The following PTPRB variants were observed in gnomAD, a reference collection of about 807,000 sequenced individuals.
PTPRB encodes the protein protein tyrosine phosphatase receptor type B.
Under a neutral mutation model 238.1 loss-of-function variants are expected in PTPRB, and 97 were observed. The observed-to-expected ratio is 0.41, with a 90% CI of 0.35 to 0.48. The LOEUF (loss-of-function observed/expected upper bound fraction) is 0.48, where lower values mean the gene tolerates loss of function less well. PTPRB is among the 20% of genes least tolerant of loss of function. The pLI, the probability that PTPRB is intolerant of heterozygous loss-of-function variation, is 0.30. For synonymous variants in PTPRB, 970 were observed against 995.4 expected, an observed-to-expected ratio of 0.97 and a Z score of 0.48; for missense variants, 2,292 against 2,681.9, an observed-to-expected ratio of 0.85 and a Z score of 3.21.
intron 16 of PTPRB, among the ~76,000 whole-genome samples, chr12:70,561,474 G>T (rs1037907094): frequency 1.3e-5 from 2 of 152,164 alleles, no homozygotes; most frequent in African/African-American, 4.8e-5. Flanking sequence ...TATCCCAATA[G>T]CTTTGCTATT....
At chr12:70,524,709 G>C (rs1048465475) in intron 32 of PTPRB, 118 bp from the exon 33 acceptor site, 24 of 1,042,022 alleles carry the variant, frequency 2.3e-5, no homozygotes, top group Non-Finnish European at 8.0e-6. Flanking sequence ...CTTGAACATC[G>C]CTTCACTAAT....
intron 2 of PTPRB, among the ~76,000 whole-genome samples, chr12:70,633,759 G>C (rs1885561336): frequency 6.6e-6 from 1 of 152,030 alleles, no homozygotes; most frequent in Admixed American, 6.6e-5. Flanking sequence ...AGACATATTT[G>C]TATGAGGGTC....
At chr12:70,572,605 T>A (rs1880198637) in intron 11 of PTPRB, among the ~76,000 whole-genome samples, 1 of 151,166 alleles carries the variant, frequency 6.6e-6, no homozygotes, top group Non-Finnish European at 1.5e-5. Flanking sequence ...CCGTCTCTAC[T>A]AAAAAATACA....
At chr12:70,610,022 G>A (rs1006656660) in intron 3 of PTPRB, among the ~76,000 whole-genome samples, 4 of 151,988 alleles carry the variant, frequency 2.6e-5, no homozygotes, top group African/African-American at 7.2e-5. Context: ...GGACGCGAGA[G>A]GCGGCGGGGA....
chr12:70,539,973 G>A lies in PTPRB; in HGVS notation c.5644C>T (p.Pro1882Ser), dbSNP rs368673788. 2.0e-5 allele frequency: 33 copies of A among 1,612,482 alleles called. 2 individuals are homozygous for A. The Middle Eastern group carries it at 2.5e-3, about 120-fold the overall frequency. The change falls in exon 24 of 34, where the codon CCA becomes TCA. Residue 1882 changes from proline to serine, a missense_variant. This residue lies in a region of PTPRB where 397 missense variants were observed against 502.0 expected (regional missense o/e 0.79). Coordinates refer to ENST00000334414, the MANE Select transcript of PTPRB (RefSeq NM_001109754.4). ...CCCAGGTTTAAGTGGACAGATAATGGTCGATCCCTACGAATGCTCAGACGG... is the reference window on the plus strand; with the variant it reads ...CCCAGGTTTAAGTGGACAGATAATGATCGATCCCTACGAATGCTCAGACGG... ...SARLSIRRDR[P>S]LSVHLNLGQK...
intron 31 of PTPRB, among the ~76,000 whole-genome samples, chr12:70,533,085 A>T (rs114849731): frequency 0.013 from 2,052 of 152,302 alleles, 45 homozygotes; most frequent in African/African-American, 0.047. Context: ...GTCAACACCT[A>T]GAAGCAGAAC....
At chr12:70,530,404 T>C (rs1390233574) in intron 32 of PTPRB, among the ~76,000 whole-genome samples, 3 of 152,152 alleles carry the variant, frequency 2.0e-5, no homozygotes, top group Non-Finnish European at 4.4e-5. Flanking sequence ...TAATATCACA[T>C]ATGCATACAA....
intron 4 of PTPRB, among the ~76,000 whole-genome samples, chr12:70,597,344 G>A (rs531209544): frequency 1.3e-5 from 2 of 152,308 alleles, no homozygotes; most frequent in South Asian, 4.1e-4. Flanking sequence ...AACTCTCAAA[G>A]CCAAGGATCA....
chr12:70,534,161 G>A (rs992916448), intron 31 of PTPRB, among the ~76,000 whole-genome samples: 5 of 152,146 alleles, frequency 3.3e-5, no homozygotes, highest in Non-Finnish European at 7.3e-5. Flanking sequence ...TTAGATTGAA[G>A]GTGATATGCC....
chr12:70,614,192 G>A (rs1884582075), intron 3 of PTPRB, among the ~76,000 whole-genome samples: 1 of 152,098 alleles, frequency 6.6e-6, no homozygotes. Context: ...CTCAATAATG[G>A]AGCCCTCTGT....
intron 7 of PTPRB, 35 bp downstream of exon 7, chr12:70,592,247 A>G: frequency 6.2e-7 from 1 of 1,613,634 alleles, no homozygotes; most frequent in Non-Finnish European, 8.5e-7. Context: ...GAGTGATTTG[A>G]GCAACCAAGG....
At chr12:70,593,134 ACTACTTC>A (rs2136468404) in intron 6 of PTPRB, among the ~76,000 whole-genome samples, 1 of 152,366 alleles carries the variant, frequency 6.6e-6, no homozygotes, top group Non-Finnish European at 1.5e-5. Flanking sequence ...GAGTTGTGTT[ACTACTTC>A]ATCAGAGGAA....
chr12:70,542,716 C>G (rs1236233938), intron 22 of PTPRB: 5 of 149,578 alleles, frequency 3.3e-5, no homozygotes, highest in Non-Finnish European at 5.9e-5. Flanking sequence ...GAAACCCTGT[C>G]TCTACTAAAA....
chr12:70,601,996 C>T (rs902968897), intron 4 of PTPRB, among the ~76,000 whole-genome samples: 9 of 151,742 alleles, frequency 5.9e-5, no homozygotes, highest in African/African-American at 1.7e-4. Context: ...GGGGTTTCAC[C>T]GTGTTAGCCA....
At chr12:70,619,106 T>C (rs1365705002) in intron 3 of PTPRB, among the ~76,000 whole-genome samples, 3 of 151,982 alleles carry the variant, frequency 2.0e-5, no homozygotes, top group African/African-American at 7.3e-5. Flanking sequence ...GGCATTTACC[T>C]TTATTATCAG....
chr12:70,550,754 ACC>A (rs1876752347), intron 21 of PTPRB, among the ~76,000 whole-genome samples: 3 of 151,880 alleles, frequency 2.0e-5, no homozygotes, highest in Admixed American at 2.0e-4. Context: ...AGTTATCTTC[ACC>A]CCTCCCCTTT....
chr12:70,626,207 T>C (rs1386498516), intron 2 of PTPRB, among the ~76,000 whole-genome samples: 2 of 146,878 alleles, frequency 1.4e-5, no homozygotes, highest in Admixed American at 6.8e-5. Flanking sequence ...CCAAATATAA[T>C]GTGCCTTTTT....
intron 21 of PTPRB, 71 bp downstream of exon 21, chr12:70,552,705 AG>A: frequency 6.4e-7 from 1 of 1,553,266 alleles, no homozygotes; most frequent in Non-Finnish European, 8.8e-7. Flanking sequence ...CGCATGCATC[AG>A]TTGCTCAGAC....
At chr12:70,571,541 A>G in intron 12 of PTPRB, 1 of 580,884 alleles carries the variant, frequency 1.7e-6, no homozygotes, top group Admixed American at 3.5e-5. Flanking sequence ...TCTCAATCAT[A>G]AGATAAAACA....
Sources: gnomAD v4.1 joint callset for allele counts (sites outside exome capture counted in the v4.1 genomes callset) on GRCh38, gnomAD v4.1.1 for gene constraint, gnomAD v4.1.1 regional missense constraint, MANE v1.5 for transcripts, NCBI Gene and HGNC (gene_info 2026-07-23, HGNC 2026-07-21) for gene names.